The following RHBDL3 variants were observed in gnomAD, a reference collection of about 807,000 sequenced individuals.
The protein encoded by RHBDL3 is rhomboid-related protein 3.
In RHBDL3, 28 loss-of-function variants were observed where a neutral mutation model predicts 48.2. That is an observed-to-expected ratio of 0.58 (90% CI 0.43 to 0.80). The LOEUF (loss-of-function observed/expected upper bound fraction) is 0.80. RHBDL3 is among the 30% of genes least tolerant of loss of function. RHBDL3 has a pLI of 0.00. For synonymous variants in RHBDL3, 208 were observed against 232.3 expected, an observed-to-expected ratio of 0.90 and a Z score of 0.95; for missense variants, 464 against 542.7, an observed-to-expected ratio of 0.85 and a Z score of 1.44.
At chr17:32,273,827 C>G (rs972663505) in intron 2 of RHBDL3, among the ~76,000 whole-genome samples, 1 of 152,196 alleles carries the variant, frequency 6.6e-6, no homozygotes, top group African/African-American at 2.4e-5. Flanking sequence ...CCTCTGTCTT[C>G]CAGGTTCAAG....
intron 2 of RHBDL3, among the ~76,000 whole-genome samples, chr17:32,279,428 C>T (rs1021652122): frequency 2.0e-5 from 3 of 152,300 alleles, no homozygotes; most frequent in Admixed American, 6.5e-5. Context: ...TAGAACTCTG[C>T]AGCGTAGTTT....
chr17:32,287,784 A>G (rs927115394), intron 3 of RHBDL3, among the ~76,000 whole-genome samples: 18 of 152,268 alleles, frequency 1.2e-4, no homozygotes, highest in African/African-American at 4.3e-4. Flanking sequence ...GGGACAGCTG[A>G]GGTGTGGGCT....
At chr17:32,292,989 A>G (rs929280366) in intron 4 of RHBDL3, among the ~76,000 whole-genome samples, 2 of 151,928 alleles carry the variant, frequency 1.3e-5, no homozygotes, top group Admixed American at 1.3e-4. Context: ...TCCTGTCTCA[A>G]AAAAAAGGGG....
At chr17:32,308,549 G>A (rs913042905) in intron 7 of RHBDL3, among the ~76,000 whole-genome samples, 2 of 152,198 alleles carry the variant, frequency 1.3e-5, no homozygotes, top group Non-Finnish European at 2.9e-5. Context: ...CAGAGAGGCA[G>A]CGGGCAGTGA....
At chr17:32,307,373 A>G (rs148839707) in intron 7 of RHBDL3, among the ~76,000 whole-genome samples, 3 of 152,282 alleles carry the variant, frequency 2.0e-5, no homozygotes, top group Non-Finnish European at 2.9e-5. Flanking sequence ...TGAATGCTCA[A>G]TGATCACAGT....
chr17:32,318,732 C>T (rs1237275109), intron 8 of RHBDL3, among the ~76,000 whole-genome samples: 1 of 152,092 alleles, frequency 6.6e-6, no homozygotes, highest in East Asian at 1.9e-4. Context: ...GGGTCAGCTA[C>T]CTGCTGTGTA....
At chr17:32,280,599 C>T in intron 2 of RHBDL3, 1 of 152,298 alleles carries the variant, frequency 6.6e-6, no homozygotes, top group Admixed American at 6.5e-5. Context: ...GAGCCCAGGC[C>T]CTGGTGAGCT....
intron 5 of RHBDL3, among the ~76,000 whole-genome samples, chr17:32,295,953 G>A (rs1477308336): frequency 3.9e-5 from 6 of 152,054 alleles, no homozygotes; most frequent in Admixed American, 3.3e-4. Flanking sequence ...CCAGCCGGGC[G>A]CGGTGGCTCA....
chr17:32,284,857 T>G (rs2040157032), intron 3 of RHBDL3, 40 bp downstream of exon 3: 1 of 1,565,214 alleles, frequency 6.4e-7, no homozygotes, highest in Non-Finnish European at 8.8e-7. Context: ...GGGGACCTGT[T>G]TGAGGGTTAT....
intron 1 of RHBDL3, among the ~76,000 whole-genome samples, chr17:32,267,478 GC>G (rs1247908253): frequency 6.6e-6 from 1 of 151,136 alleles, no homozygotes; most frequent in African/African-American, 2.5e-5. Flanking sequence ...GACTCATTGC[GC>G]CGGGGTCTGA....
At position 32,298,120 on chromosome 17, in the gene RHBDL3, C is replaced by T. The variant is rs201897643; in HGVS notation, c.697C>T (p.Leu233=). Residue 233 remains leucine, a synonymous_variant, in exon 6 of 9, where the codon CTG becomes TTG. Transcript: ENST00000269051. ...AGAACACCTGGGACTCAATGTGGTGCTGCAGCTGCTGGTGGGGGTGCCCCT... is the reference window on the plus strand; with the variant it reads ...AGAACACCTGGGACTCAATGTGGTGTTGCAGCTGCTGGTGGGGGTGCCCCT... ...GIEHLGLNVV[L]QLLVGVPLEM... 1.0e-4 allele frequency: 167 copies of T among 1,613,908 alleles called. No individual in the cohort carries two copies. In the Middle Eastern group the frequency reaches 1.6e-3, roughly 16 times the overall value.
chr17:32,294,688 C>T (rs1183988257), intron 5 of RHBDL3, among the ~76,000 whole-genome samples: 1 of 152,182 alleles, frequency 6.6e-6, no homozygotes, highest in Non-Finnish European at 1.5e-5. Context: ...CACACATACA[C>T]AGCATTTGAT....
chr17:32,266,131 AGCCCGGC>A lies in RHBDL3; in HGVS notation c.-54_-48del. On this transcript the variant is annotated 5_prime_UTR_variant, in exon 1 of 9. Coordinates refer to ENST00000269051, the MANE Select transcript of RHBDL3 (RefSeq NM_138328.3). ...GGCGCGGCCGCCGCGGCGCAAAGTTAGCCCGGCGCCCCGGGACGAGCCCCGCAGCCGC... is the reference window on the plus strand; with the variant it reads ...GGCGCGGCCGCCGCGGCGCAAAGTTAGCCCCGGGACGAGCCCCGCAGCCGC... 1.7e-6 allele frequency: 1 copy of A among 583,858 alleles called. No individual in the cohort carries two copies. Among genetic ancestry groups the A allele is most frequent in the South Asian group, 8.3e-5 (1 of 12,092 alleles). 36.2% of individuals were successfully genotyped at this position (583,858 alleles called of 1,614,324 possible).
At chr17:32,314,467 G>A (rs1173604159) in intron 7 of RHBDL3, among the ~76,000 whole-genome samples, 1 of 152,094 alleles carries the variant, frequency 6.6e-6, no homozygotes, top group Non-Finnish European at 1.5e-5. Flanking sequence ...ACAGGCATGA[G>A]CCACCGCGCC....
At chr17:32,312,515 C>T (rs1457688988) in intron 7 of RHBDL3, among the ~76,000 whole-genome samples, 1 of 152,048 alleles carries the variant, frequency 6.6e-6, no homozygotes, top group Non-Finnish European at 1.5e-5. Context: ...AATCCCAGCA[C>T]TTTTTGTTTT....
chr17:32,296,779 TA>T (rs1300781211), intron 5 of RHBDL3, among the ~76,000 whole-genome samples: 1 of 33,682 alleles, frequency 3.0e-5, no homozygotes, highest in Non-Finnish European at 8.5e-5. Flanking sequence ...AGCTCTTTTT[TA>T]TTTTATTTTA....
intron 2 of RHBDL3, among the ~76,000 whole-genome samples, chr17:32,275,094 G>T (rs562531530): frequency 1.3e-5 from 2 of 152,174 alleles, no homozygotes; most frequent in Non-Finnish European, 2.9e-5. Context: ...TTTGGTGGCT[G>T]CCAGGAGAAG....
chr17:32,286,447 G>T, intron 3 of RHBDL3, among the ~76,000 whole-genome samples: 1 of 152,208 alleles, frequency 6.6e-6, no homozygotes, highest in East Asian at 1.9e-4. Context: ...TGAGGACCTG[G>T]AGTCTAGCAA....
intron 7 of RHBDL3, among the ~76,000 whole-genome samples, chr17:32,312,914 A>C (rs2040879956): frequency 6.6e-6 from 1 of 152,054 alleles, no homozygotes. Flanking sequence ...GGCTCAAGCG[A>C]TCATCCCACC....
Sources: gnomAD v4.1 joint callset for allele counts (sites outside exome capture counted in the v4.1 genomes callset) on GRCh38, gnomAD v4.1.1 for gene constraint, MANE v1.5 for transcripts, NCBI Gene and HGNC (gene_info 2026-07-23, HGNC 2026-07-21) for gene names.